MADD: variants seen among roughly 807,000 people sequenced by gnomAD.
MADD encodes the protein MAP kinase-activating death domain protein.
In MADD, 109 loss-of-function variants were observed where a neutral mutation model predicts 176.7. The observed-to-expected ratio is 0.62, with a 90% CI of 0.53 to 0.72. MADD has a LOEUF of 0.72. Ranked by LOEUF, MADD falls within the 30% of genes least tolerant of loss-of-function variation. The pLI is 0.00. For missense variants in MADD, 1,914 were observed against 2,045.5 expected, an observed-to-expected ratio of 0.94 and a Z score of 1.24; for synonymous variants, 771 against 771.3, an observed-to-expected ratio of 1.00 and a Z score of 0.01.
At chr11:47,278,254 G>C in exon 6 of MADD, 1 of 1,613,930 alleles carries the variant, frequency 6.2e-7, no homozygotes, top group Non-Finnish European at 8.5e-7. Flanking sequence ...ATGATGTATG[G>C]CTAGTGGATC....
intron 4 of MADD, 37 bp from the exon 5 acceptor site, chr11:47,276,695 T>C: frequency 2.5e-6 from 4 of 1,601,022 alleles, no homozygotes; most frequent in Non-Finnish European, 3.4e-6. Flanking sequence ...CCATATTTTA[T>C]GTTTTGGAGT....
chr11:47,281,653 C>T (rs1367929322), exon 8 of MADD: 17 of 1,613,702 alleles, frequency 1.1e-5, no homozygotes, highest in Non-Finnish European at 1.4e-5. Context: ...GATCCCCCTT[C>T]TCTTGGGAAG....
At position 47,318,384 on chromosome 11, in the gene MADD, T is replaced by C. The variant is rs117441822; in HGVS notation, c.4197+3057T>C. ...GCTTACCCTGAAGCAGAAACATACATGTCAGTGTAGCCAAGAAGGAGTCAT... is the reference window on the plus strand; with the variant it reads ...GCTTACCCTGAAGCAGAAACATACACGTCAGTGTAGCCAAGAAGGAGTCAT... On this transcript the variant is annotated intron_variant, in intron 27 of 32. Coordinates refer to ENST00000402192, the Ensembl canonical transcript of MADD. Among the ~76,000 whole-genome samples the C allele has an allele frequency of 8.9e-3, 1,349 of 152,310 alleles. 10 individuals are homozygous for C. Among genetic ancestry groups the C allele is most frequent in the Non-Finnish European group, 0.013 (860 of 68,014 alleles).
intron 10 of MADD, 127 bp from the exon 11 acceptor site, chr11:47,284,051 C>G: frequency 1.5e-6 from 1 of 682,044 alleles, no homozygotes; most frequent in Admixed American, 2.3e-5. Flanking sequence ...TTCTTGGCTT[C>G]TTTATTTGAT....
At chr11:47,291,969 C>T (rs375869446) in intron 19 of MADD, among the ~76,000 whole-genome samples, 2 of 152,238 alleles carry the variant, frequency 1.3e-5, no homozygotes, top group African/African-American at 4.8e-5. Flanking sequence ...GTGGGTAGGG[C>T]AGGTAGGGGT....
At chr11:47,296,139 G>C in intron 22 of MADD, 84 bp downstream of exon 24, 1 of 1,465,578 alleles carries the variant, frequency 6.8e-7, no homozygotes, top group Non-Finnish European at 9.4e-7. Flanking sequence ...GTTAAGAGAC[G>C]CTAAAGAGGT....
chr11:47,318,996 C>T (rs1362043457), intron 27 of MADD, among the ~76,000 whole-genome samples: 4 of 150,234 alleles, frequency 2.7e-5, no homozygotes, highest in African/African-American at 7.3e-5. Flanking sequence ...GTAGTAGAGA[C>T]GGGGTTTCAC....
chr11:47,309,840 T>C (rs1158249369), intron 25 of MADD, among the ~76,000 whole-genome samples: 2 of 55,060 alleles, frequency 3.6e-5, no homozygotes, highest in East Asian at 4.2e-3. Context: ...ATGATTCTCT[T>C]TTTTTTTTTT....
intron 30 of MADD, chr11:47,324,809 G>T: frequency 1.5e-6 from 1 of 672,596 alleles, no homozygotes. Flanking sequence ...CTGGGCAGGA[G>T]CGAGGCCAGG....
Position 47,326,817 on chromosome 11 carries a change from C to CT in MADD, c.4612+11dup, listed in dbSNP as rs1182361424. On this transcript the variant is annotated intron_variant, in intron 31 of 32. Transcript: ENST00000402192. Reference sequence around the variant, plus strand: ...GTCCTGGAGGAATTTGGTAATTACACTATTTTGCTCTTAGGTCTGGACTCA... The same window carrying CT: ...GTCCTGGAGGAATTTGGTAATTACACTTATTTTGCTCTTAGGTCTGGACTCA... The CT allele has an allele frequency of 6.2e-7, 1 of 1,613,976 alleles. No homozygotes were observed. The highest frequency in any genetic ancestry group is 8.5e-7 in the Non-Finnish European group (1 of 1,179,944).
intron 22 of MADD, among the ~76,000 whole-genome samples, chr11:47,305,015 A>G (rs1381505077): frequency 6.6e-6 from 1 of 152,230 alleles, no homozygotes; most frequent in African/African-American, 2.4e-5. Context: ...TGCATTCAAC[A>G]TGAGCAATAA....
At chr11:47,275,349 T>C (rs1489293803) in intron 3 of MADD, among the ~76,000 whole-genome samples, 190 bp downstream of exon 3, 1 of 152,250 alleles carries the variant, frequency 6.6e-6, no homozygotes, top group Non-Finnish European at 1.5e-5. Context: ...TGGAGTACAG[T>C]GGTGCGATCT....
intron 30 of MADD, 66 bp from the exon 35 acceptor site, chr11:47,326,672 A>G (rs1457889387): frequency 6.3e-7 from 1 of 1,577,466 alleles, no homozygotes; most frequent in African/African-American, 1.4e-5. Context: ...TAGCTGGGAG[A>G]GTGTGCTGTG....
rs904396699 is a variant in MADD, at chr11:47,285,578, A to G, written c.2539A>G (p.Met847Val). ...CAGCACCGAGGGCTTCGGGGGCATCATGTCTTTTGCCAGTAAGTGCCTTCA... is the reference window on the plus strand; with the variant it reads ...CAGCACCGAGGGCTTCGGGGGCATCGTGTCTTTTGCCAGTAAGTGCCTTCA... Residue 847 changes from methionine to valine, a missense_variant, in exon 14 of 33, where the codon ATG becomes GTG. Physicochemically the swap from Met to Val is conservative, Grantham distance 21. This residue lies in a region of MADD where 1,767 missense variants were observed against 1,836.0 expected (regional missense o/e 0.96). Coordinates refer to ENST00000402192, the Ensembl canonical transcript of MADD. 8 of 1,613,964 alleles carry G rather than the reference A, an allele frequency of 5.0e-6. No homozygotes were observed. In the Admixed American group the frequency reaches 6.7e-5, roughly 13 times the overall value.
At chr11:47,322,590 C>T (rs965784623) in intron 27 of MADD, among the ~76,000 whole-genome samples, 3 of 151,894 alleles carry the variant, frequency 2.0e-5, no homozygotes, top group African/African-American at 7.3e-5. Context: ...CCAGCCTGGG[C>T]GACAGAGCGA....
chr11:47,273,028 C>T (rs1322905157), intron 1 of MADD, among the ~76,000 whole-genome samples: 1 of 152,208 alleles, frequency 6.6e-6, no homozygotes, highest in East Asian at 1.9e-4. Context: ...GAATAGCCAG[C>T]TGTTATTGTC....
intron 6 of MADD, 26 bp from the exon 7 acceptor site, chr11:47,278,973 C>T (rs751736219): frequency 1.6e-5 from 26 of 1,605,062 alleles, no homozygotes; most frequent in South Asian, 1.5e-4. Context: ...TCTAAGGTCA[C>T]GTCTTTTATC....
chr11:47,316,385 CTTTTTTTTTTTTTT>C (rs1008702414), intron 27 of MADD, among the ~76,000 whole-genome samples: 1 of 130,226 alleles, frequency 7.7e-6, no homozygotes, highest in Non-Finnish European at 1.7e-5. Context: ...TTTTCTTTTT[CTTTTTTTTTTTTTT>C]TTTTTTTGAG....
intron 28 of MADD, 28 bp downstream of exon 31, chr11:47,323,863 G>T (rs370151161): frequency 4.4e-6 from 7 of 1,606,500 alleles, no homozygotes; most frequent in African/African-American, 2.7e-5. Context: ...TTGGGTTGGG[G>T]CTAGTAGGCA....
Sources: allele counts gnomAD v4.1 joint callset (sites outside exome capture counted in the v4.1 genomes callset), GRCh38; gene constraint gnomAD v4.1.1; regional missense constraint gnomAD v4.1.1; transcripts MANE v1.5; gene names NCBI Gene and HGNC (gene_info 2026-07-23, HGNC 2026-07-21).